The following GPRC5A variants were observed in gnomAD, a reference collection of about 807,000 sequenced individuals.
GPRC5A encodes G protein-coupled receptor class C group 5 member A.
In GPRC5A, 19 loss-of-function variants were observed where a neutral mutation model predicts 22.5. The observed-to-expected ratio is 0.85, with a 90% CI of 0.59 to 1.24. GPRC5A has a LOEUF of 1.24. GPRC5A is among the 50% of genes most tolerant of loss of function. The pLI is 0.00. For synonymous variants in GPRC5A, 192 were observed against 184.5 expected, an observed-to-expected ratio of 1.04 and a Z score of -0.33; for missense variants, 471 against 451.1, an observed-to-expected ratio of 1.04 and a Z score of -0.40.
intron 1 of GPRC5A, among the ~76,000 whole-genome samples, chr12:12,907,723 C>T (rs1863957351): frequency 6.6e-6 from 1 of 152,180 alleles, no homozygotes; most frequent in South Asian, 2.1e-4. Flanking sequence ...CCTTGAACTC[C>T]TGGACTCCAG....
At position 12,908,523 on chromosome 12, in the gene GPRC5A, A is replaced by G. The variant is rs147496317; in HGVS notation, c.274A>G (p.Ser92Gly). Residue 92 changes from serine to glycine, a missense_variant, in exon 2 of 4, where the codon AGC becomes GGC. Physicochemically the swap from Ser to Gly is moderately conservative, Grantham distance 56. Coordinates refer to ENST00000014914, the MANE Select transcript of GPRC5A (RefSeq NM_003979.4). ...TFAFIIGLDG[S>G]TGPTRFFLFG... The stretch of plus-strand genomic sequence containing the variant: ...CGCCTTCATCATCGGACTGGACGGG[A>G]GCACAGGGCCCACACGCTTCTTCCT... The G allele has an allele frequency of 1.3e-4, 212 of 1,614,080 alleles. No individual in the cohort carries two copies. The African/African-American group carries it at 2.7e-3, about 21-fold the overall frequency.
At position 12,914,190 on chromosome 12, in the gene GPRC5A, G is replaced by A. The variant is rs1243631253; in HGVS notation, c.*1651G>A. 6.5e-6 allele frequency: 1 copy of A among 152,792 alleles called. No individual in the cohort carries two copies. Among genetic ancestry groups the A allele is most frequent in the Non-Finnish European group, 1.5e-5 (1 of 68,042 alleles). 9.5% of individuals were successfully genotyped at this position (152,792 alleles called of 1,614,324 possible). A position where few individuals can be genotyped will look rare whatever the true frequency, so the allele number is the denominator to read the frequency against. On this transcript the variant is annotated 3_prime_UTR_variant, in exon 4 of 4. Transcript: ENST00000014914. The stretch of plus-strand genomic sequence containing the variant: ...CATGTAAAAATGTGTAGCTAAGTCA[G>A]GGAGTTACTTCCTAAGAGCCTGACG...
At chr12:12,910,197 T>G (rs12425019) in intron 2 of GPRC5A, among the ~76,000 whole-genome samples, 33,774 of 151,958 alleles carry the variant, frequency 0.22, 4,584 homozygotes, top group Admixed American at 0.34. Context: ...TAAAAATAGG[T>G]CTTTCCTTTG....
chr12:12,909,413 CCCT>C (rs1863980636), intron 2 of GPRC5A: 2 of 426,658 alleles, frequency 4.7e-6, no homozygotes, highest in African/African-American at 4.0e-5. Flanking sequence ...ACTGGGAGAG[CCCT>C]CCTCACTTCC....
Position 12,897,906 on chromosome 12 carries a change from G to A in GPRC5A, c.-8+6242G>A, listed in dbSNP as rs142783190. Among the ~76,000 whole-genome samples the A allele has an allele frequency of 2.3e-3, 345 of 152,062 alleles. 1 individual carries two copies. Among genetic ancestry groups the A allele is most frequent in the African/African-American group, 7.7e-3 (321 of 41,482 alleles). On this transcript the variant is annotated intron_variant, in intron 1 of 3. Coordinates refer to ENST00000014914, the MANE Select transcript of GPRC5A (RefSeq NM_003979.4). Reference sequence around the variant, plus strand: ...CTCACAGGTGTGAGCCACTGCGCCCGGCCGATAATTTCTTTTTAACCTCCT... The same window carrying A: ...CTCACAGGTGTGAGCCACTGCGCCCAGCCGATAATTTCTTTTTAACCTCCT...
In GPRC5A at chr12:12,917,668, G is replaced by A. The variant is rs1864079911; in HGVS notation, c.*5129G>A. The A allele has an allele frequency of 6.6e-6, 1 of 152,130 alleles. No homozygotes were observed. The highest frequency in any genetic ancestry group is 1.5e-5 in the Non-Finnish European group (1 of 68,044). 9.4% of individuals were successfully genotyped at this position (152,130 alleles called of 1,614,324 possible). On this transcript the variant is annotated 3_prime_UTR_variant, in exon 4 of 4. Transcript: ENST00000014914. ...TGTAAGCCATGGGAAAGGGATGAGG[G>A]AGGACAGCTTCTGGTTAAACACAGG...
rs1288131067 is a variant in GPRC5A at position 12,915,020 on chromosome 12, T to A, written c.*2481T>A. The A allele has an allele frequency of 3.5e-5, 5 of 143,628 alleles. No homozygotes were observed. Among genetic ancestry groups the A allele is most frequent in the Non-Finnish European group, 7.6e-5 (5 of 66,150 alleles). 8.9% of individuals were successfully genotyped at this position (143,628 alleles called of 1,614,324 possible). On this transcript the variant is annotated 3_prime_UTR_variant, in exon 4 of 4. Coordinates refer to ENST00000014914, the MANE Select transcript of GPRC5A (RefSeq NM_003979.4). ...TCACAAAATACTCTGGATCGGCATT[T>A]TTTTTTTTTTTTTTTTTTGAGACAG...
intron 1 of GPRC5A, among the ~76,000 whole-genome samples, chr12:12,901,393 G>C (rs935909877): frequency 1.3e-5 from 2 of 152,166 alleles, no homozygotes; most frequent in African/African-American, 4.8e-5. Flanking sequence ...ATGAGAAGGA[G>C]GGTGGGAGGA....
intron 2 of GPRC5A, among the ~76,000 whole-genome samples, chr12:12,910,438 C>T (rs1390049711): frequency 6.6e-6 from 1 of 152,192 alleles, no homozygotes; most frequent in Non-Finnish European, 1.5e-5. Flanking sequence ...CCACTGTCAG[C>T]TTTCTCCCTT....
At chr12:12,899,418 G>C (rs1351626528) in intron 1 of GPRC5A, among the ~76,000 whole-genome samples, 1 of 152,170 alleles carries the variant, frequency 6.6e-6, no homozygotes, top group Admixed American at 6.6e-5. Context: ...GTTGGGGTCA[G>C]GGAGAAAAGC....
At position 12,912,775 on chromosome 12, in the gene GPRC5A, A is replaced by G. The variant is rs1640874; in HGVS notation, c.*236A>G. ...TTTTTTTTTGTCTCATCCTTTGGAT[A>G]CTTCTTTTAAGTGGGAGTCTCAGGC... On this transcript the variant is annotated 3_prime_UTR_variant, in exon 4 of 4. Transcript: ENST00000014914. 0.054 allele frequency: 25,678 copies of G among 472,346 alleles called. 4,814 individuals carry two copies. Among genetic ancestry groups the G allele is most frequent in the African/African-American group, 0.43 (21,275 of 48,924 alleles). The allele number at this position is 472,346 out of a possible 1,614,324, so 29.3% of individuals were successfully genotyped here.
chr12:12,897,405 G>A (rs1240621091), intron 1 of GPRC5A, among the ~76,000 whole-genome samples: 1 of 148,496 alleles, frequency 6.7e-6, no homozygotes, highest in Non-Finnish European at 1.5e-5. Context: ...GAGGCAAAGA[G>A]CATGAGAAGA....
chr12:12,904,574 T>G (rs563036044), intron 1 of GPRC5A, among the ~76,000 whole-genome samples: 140 of 152,268 alleles, frequency 9.2e-4, no homozygotes, highest in African/African-American at 3.3e-3. Context: ...CTTAGAGCAG[T>G]GATCAGCACA....
In GPRC5A at chr12:12,915,342, C is replaced by T. The variant is rs1368710263; in HGVS notation, c.*2803C>T. On this transcript the variant is annotated 3_prime_UTR_variant, in exon 4 of 4. Transcript: ENST00000014914. ...ACAGTAAGTTTTAAAATCTGAGCAG[C>T]AATTTGAATCACTTGTTGAAAAACA... is the stretch of plus-strand genomic sequence containing the variant. The T allele has an allele frequency of 6.6e-6, 1 of 152,148 alleles. No homozygotes were observed. The highest frequency in any genetic ancestry group is 2.1e-4 in the South Asian group (1 of 4,824). The allele number at this position is 152,148 out of a possible 1,614,324, so 9.4% of individuals were successfully genotyped here. A position where few individuals can be genotyped will look rare whatever the true frequency, so the allele number is the denominator to read the frequency against.
chr12:12,909,217 G>A (rs200420554), intron 2 of GPRC5A, 46 bp downstream of exon 2: 5 of 1,288,212 alleles, frequency 3.9e-6, no homozygotes, highest in Non-Finnish European at 5.4e-6. Flanking sequence ...GTAGAAAGGT[G>A]GGGGAGAATC....
chr12:12,914,580 CTTTCTTTCTTTCTT>C lies in GPRC5A; in HGVS notation c.*2043_*2056del, dbSNP rs1416029226. On this transcript the variant is annotated 3_prime_UTR_variant, in exon 4 of 4. Transcript: ENST00000014914. ...TCTTTCTTTCTTTCTTTCTTTCTTT[CTTTCTTTCTTTCTT>C]TCTCTCTCTCTCTCTCTCTCTCTTT... 79 of 87,882 alleles carry C rather than the reference CTTTCTTTCTTTCTT, an allele frequency of 9.0e-4. No individual in the cohort carries two copies. The highest frequency in any genetic ancestry group is 5.0e-3 in the African/African-American group (74 of 14,820). The allele number at this position is 87,882 out of a possible 1,614,324, so 5.4% of individuals were successfully genotyped here.
intron 1 of GPRC5A, among the ~76,000 whole-genome samples, chr12:12,892,943 A>T (rs529852830): frequency 6.6e-6 from 1 of 152,270 alleles, no homozygotes; most frequent in East Asian, 1.9e-4. Flanking sequence ...CCAGGTTTGC[A>T]TGCCGGTGTC....
intron 1 of GPRC5A, among the ~76,000 whole-genome samples, chr12:12,892,602 G>A (rs924526755): frequency 6.6e-6 from 1 of 152,088 alleles, no homozygotes; most frequent in Non-Finnish European, 1.5e-5. Context: ...CCCGACCTAA[G>A]GTGATCTGCC....
chr12:12,894,728 C>T (rs975262300), intron 1 of GPRC5A, among the ~76,000 whole-genome samples: 65 of 138,172 alleles, frequency 4.7e-4, no homozygotes, highest in Admixed American at 3.2e-3. Flanking sequence ...TTTTGTTTTA[C>T]GTATTTTGGT....
Sources: gnomAD v4.1 joint callset for allele counts (sites outside exome capture counted in the v4.1 genomes callset) on GRCh38, gnomAD v4.1.1 for gene constraint, MANE v1.5 for transcripts, NCBI Gene and HGNC (gene_info 2026-07-23, HGNC 2026-07-21) for gene names.